Variants in LDB2 observed in about 807,000 individuals in gnomAD.
The protein encoded by LDB2 is LIM domain-binding protein 2.
In LDB2, 12 loss-of-function variants were observed where a neutral mutation model predicts 44.3. The observed-to-expected ratio is 0.27, with a 90% CI of 0.17 to 0.44. The LOEUF is 0.44. LDB2 is among the 20% of genes least tolerant of loss of function. The pLI is 1.00. For synonymous variants in LDB2, 164 were observed against 174.8 expected, an observed-to-expected ratio of 0.94 and a Z score of 0.49; for missense variants, 344 against 473.5, an observed-to-expected ratio of 0.73 and a Z score of 2.54.
At chr4:16,572,072 C>T (rs533842814) in intron 5 of LDB2, among the ~76,000 whole-genome samples, 1 of 152,258 alleles carries the variant, frequency 6.6e-6, no homozygotes, top group East Asian at 1.9e-4. Flanking sequence ...CAGAGACCAG[C>T]CACAGAGAAG....
chr4:16,719,013 A>G (rs1402942080), intron 2 of LDB2, among the ~76,000 whole-genome samples: 1 of 152,096 alleles, frequency 6.6e-6, no homozygotes, highest in East Asian at 1.9e-4. Context: ...TACAAATTGA[A>G]ACTCAAAATA....
At chr4:16,695,062 A>G (rs1212791696) in intron 2 of LDB2, among the ~76,000 whole-genome samples, 1 of 152,130 alleles carries the variant, frequency 6.6e-6, no homozygotes, top group Non-Finnish European at 1.5e-5. Context: ...GTTGCATTTC[A>G]CAGATTCCCC....
At chr4:16,515,870 T>G (rs1389796515) in intron 5 of LDB2, among the ~76,000 whole-genome samples, 1 of 151,726 alleles carries the variant, frequency 6.6e-6, no homozygotes, top group Non-Finnish European at 1.5e-5. Flanking sequence ...ATTTATTTAT[T>G]TATTTATTTT....
intron 1 of LDB2, among the ~76,000 whole-genome samples, chr4:16,856,127 C>T (rs1275647002): frequency 2.6e-5 from 4 of 152,036 alleles, no homozygotes; most frequent in African/African-American, 9.7e-5. Context: ...AATGCAGAAA[C>T]TAATATGAAA....
At chr4:16,756,760 T>G (rs1017366883) in intron 2 of LDB2, among the ~76,000 whole-genome samples, 1 of 152,098 alleles carries the variant, frequency 6.6e-6, no homozygotes, top group Non-Finnish European at 1.5e-5. Context: ...TAATAAGGAA[T>G]GACATACAAT....
intron 2 of LDB2, among the ~76,000 whole-genome samples, chr4:16,728,825 C>T (rs1459547650): frequency 6.6e-6 from 1 of 151,674 alleles, no homozygotes; most frequent in Non-Finnish European, 1.5e-5. Context: ...GGTTAAAAGG[C>T]TAAATAACAG....
intron 1 of LDB2, among the ~76,000 whole-genome samples, chr4:16,864,950 A>T (rs1018660754): frequency 6.6e-6 from 1 of 151,808 alleles, no homozygotes; most frequent in African/African-American, 2.4e-5. Context: ...AAAATAGTCC[A>T]TACCATATAC....
chr4:16,672,900 C>G (rs952347683), intron 2 of LDB2, among the ~76,000 whole-genome samples: 2 of 148,780 alleles, frequency 1.3e-5, no homozygotes, highest in Admixed American at 1.3e-4. Context: ...TTTTCCTTCC[C>G]CCTCTCCTTA....
At chr4:16,576,094 A>T (rs1430856722) in intron 5 of LDB2, among the ~76,000 whole-genome samples, 1 of 152,240 alleles carries the variant, frequency 6.6e-6, no homozygotes, top group East Asian at 1.9e-4. Context: ...CAACAAAAGC[A>T]GTACTAAGAG....
intron 5 of LDB2, among the ~76,000 whole-genome samples, chr4:16,535,866 TAAG>T (rs992141743): frequency 3.3e-5 from 5 of 152,180 alleles, no homozygotes; most frequent in African/African-American, 1.2e-4. Flanking sequence ...TGGTCCCAAG[TAAG>T]AAGCAACAGA....
At chr4:16,584,584 C>G (rs1716038554) in intron 5 of LDB2, among the ~76,000 whole-genome samples, 1 of 152,234 alleles carries the variant, frequency 6.6e-6, no homozygotes, top group Non-Finnish European at 1.5e-5. Flanking sequence ...GGCAAAGAAC[C>G]TGACATGCAG....
chr4:16,771,789 A>G (rs1936016490), intron 1 of LDB2, among the ~76,000 whole-genome samples: 1 of 152,134 alleles, frequency 6.6e-6, no homozygotes, highest in Non-Finnish European at 1.5e-5. Flanking sequence ...TTCAGCCTGG[A>G]CAACAATGAC....
chr4:16,704,515 GT>G (rs1323929397), intron 2 of LDB2, among the ~76,000 whole-genome samples: 22 of 152,220 alleles, frequency 1.4e-4, no homozygotes, highest in African/African-American at 5.1e-4. Context: ...AATCTCTCTT[GT>G]TTTCCCATTC....
At chr4:16,659,039 A>G (rs1265687334) in intron 2 of LDB2, among the ~76,000 whole-genome samples, 1 of 152,206 alleles carries the variant, frequency 6.6e-6, no homozygotes, top group Non-Finnish European at 1.5e-5. Context: ...GACCCACCAA[A>G]TGAGCCTGAT....
chr4:16,573,117 C>T (rs961760526), intron 5 of LDB2, among the ~76,000 whole-genome samples: 3 of 152,150 alleles, frequency 2.0e-5, no homozygotes, highest in Admixed American at 6.5e-5. Flanking sequence ...GCTGCGGGAT[C>T]GGCTTTGTGG....
At chr4:16,509,430 G>C (rs182209107) in intron 6 of LDB2, among the ~76,000 whole-genome samples, 1 of 152,294 alleles carries the variant, frequency 6.6e-6, no homozygotes, top group African/African-American at 2.4e-5. Context: ...TTCAGAAACA[G>C]AGAAAAATAT....
intron 1 of LDB2, among the ~76,000 whole-genome samples, chr4:16,777,652 A>G (rs1373023354): frequency 6.6e-6 from 1 of 152,128 alleles, no homozygotes; most frequent in Non-Finnish European, 1.5e-5. Context: ...AGACCAAGTA[A>G]TCTCCACTCC....
Position 16,582,466 on chromosome 4 carries a change from C to A in LDB2, c.615+3456G>T, listed in dbSNP as rs761389270. Among the ~76,000 whole-genome samples the A allele has an allele frequency of 1.3e-5, 2 of 152,212 alleles. No individual in the cohort carries two copies. The highest frequency in any genetic ancestry group is 4.8e-5 in the African/African-American group (2 of 41,456). On this transcript the variant is annotated intron_variant, in intron 5 of 7. Transcript: ENST00000304523. This position sits in a 1 kb window ranked among gnomAD's most constrained non-coding sequence, Gnocchi z 4.8. ...AAGGCAAAGGACACATTTCCGAGTTCCTGGCTTGCTTCTCCCATTCTAGTG... is the reference window on the plus strand; with the variant it reads ...AAGGCAAAGGACACATTTCCGAGTTACTGGCTTGCTTCTCCCATTCTAGTG...
chr4:16,538,134 T>C (rs919452626), intron 5 of LDB2, among the ~76,000 whole-genome samples: 1 of 152,178 alleles, frequency 6.6e-6, no homozygotes, highest in South Asian at 2.1e-4. Context: ...GTTTGGCTCA[T>C]GTCCTGGGAC....
Sources: allele counts gnomAD v4.1 joint callset (sites outside exome capture counted in the v4.1 genomes callset), GRCh38; gene constraint gnomAD v4.1.1; non-coding constraint Gnocchi (gnomAD v3.1); transcripts MANE v1.5; gene names NCBI Gene and HGNC (gene_info 2026-07-23, HGNC 2026-07-21).